Variants in LRRK1 observed in about 807,000 individuals in gnomAD.
LRRK1 encodes leucine rich repeat kinase 1.
LRRK1 carries 113 observed loss-of-function variants against 209.1 expected under a neutral mutation model. That is an observed-to-expected ratio of 0.54 (90% CI 0.46 to 0.63). The LOEUF (loss-of-function observed/expected upper bound fraction) is 0.63, where lower values mean the gene tolerates loss of function less well. LRRK1 is among the 30% of genes least tolerant of loss of function. The pLI is 0.00. For synonymous variants in LRRK1, 1,144 were observed against 1,099.7 expected (o/e 1.04, Z -0.80); for missense variants, 2,284 against 2,632.2 (o/e 0.87, Z 2.89).
At chr15:101,011,877 T>C in intron 9 of LRRK1, 131 bp from the exon 10 acceptor site, 1 of 688,920 alleles carries the variant, frequency 1.5e-6, no homozygotes, top group Non-Finnish European at 2.4e-6. Flanking sequence ...CCAGCAACAC[T>C]CAGTCATCTT....
At chr15:100,939,357 A>G (rs140711768) in intron 2 of LRRK1, among the ~76,000 whole-genome samples, 2 of 152,222 alleles carry the variant, frequency 1.3e-5, no homozygotes, top group Non-Finnish European at 2.9e-5. Flanking sequence ...TGGCAATTGC[A>G]TTTCTATGTG....
intron 2 of LRRK1, among the ~76,000 whole-genome samples, chr15:100,931,200 C>T (rs1289887438): frequency 1.3e-5 from 2 of 152,194 alleles, no homozygotes; most frequent in Non-Finnish European, 2.9e-5. Flanking sequence ...CTGTAAAGAA[C>T]TTTTGAGGAT....
chr15:100,924,761 G>A (rs2141591372), intron 2 of LRRK1, 32 bp downstream of exon 2: 1 of 1,539,662 alleles, frequency 6.5e-7, no homozygotes, highest in South Asian at 1.1e-5. Flanking sequence ...TGCCTGCCTG[G>A]GTGTGACCTG....
rs577881909 is a variant in LRRK1 at position 101,002,468 on chromosome 15, T to C, written c.763-6369T>C. On this transcript the variant is annotated intron_variant, in intron 6 of 33. Transcript: ENST00000388948. ...AGGGCTCATGCTTGAAAAACCAACA[T>C]GAACACATTCTCCACCTGTTTGTGA... Among the ~76,000 whole-genome samples, 7 of 152,344 alleles carry C rather than the reference T, an allele frequency of 4.6e-5. No individual in the cohort carries two copies. The South Asian group carries it at 1.5e-3, about 32-fold the overall frequency.
chr15:101,018,911 A>G (rs2033661296), intron 12 of LRRK1, among the ~76,000 whole-genome samples: 1 of 152,200 alleles, frequency 6.6e-6, no homozygotes, highest in Non-Finnish European at 1.5e-5. Flanking sequence ...GGAATTATCT[A>G]CAAAAGACAG....
chr15:100,940,392 A>G (rs1367821883), intron 2 of LRRK1, among the ~76,000 whole-genome samples: 1 of 152,166 alleles, frequency 6.6e-6, no homozygotes, highest in Non-Finnish European at 1.5e-5. Flanking sequence ...TGAAACTCTC[A>G]TTAGACACAT....
chr15:101,058,558 G>A (rs572298950), intron 29 of LRRK1, among the ~76,000 whole-genome samples: 7 of 137,964 alleles, frequency 5.1e-5, no homozygotes, highest in Non-Finnish European at 7.7e-5. Context: ...GAGGCCTGTC[G>A]GCCTGGTTAT....
chr15:101,065,816 C>G lies in LRRK1; in HGVS notation c.5379C>G (p.Asp1793Glu). Residue 1793 changes from aspartate to glutamate, a missense_variant, in exon 32 of 34, where the codon GAC becomes GAG. Physicochemically the swap from Asp to Glu is conservative, Grantham distance 45 (BLOSUM62 2). Around this residue, in one of 6 missense-constraint regions of LRRK1, gnomAD observed 643 missense variants for 695.9 expected, o/e 0.92. Transcript: ENST00000388948. Reference sequence around the variant, plus strand: ...ACATGTTTCCCGTGCGGCCCTTGGACACGGAACCCCCGGCAGCCAGCCACA... The same window carrying G: ...ACATGTTTCCCGTGCGGCCCTTGGAGACGGAACCCCCGGCAGCCAGCCACA... ...LRDMFPVRPL[D>E]TEPPAASHTA... 1 of 1,614,098 alleles carries G rather than the reference C, an allele frequency of 6.2e-7. No individual in the cohort carries two copies. Among genetic ancestry groups the G allele is most frequent in the Non-Finnish European group, 8.5e-7 (1 of 1,180,024 alleles).
intron 30 of LRRK1, among the ~76,000 whole-genome samples, chr15:101,061,616 C>A (rs1441922607): frequency 6.6e-6 from 1 of 152,172 alleles, no homozygotes; most frequent in East Asian, 1.9e-4. Flanking sequence ...TCACTCAGCT[C>A]TGAAGGCCTC....
intron 22 of LRRK1, 156 bp from the exon 23 acceptor site, chr15:101,049,488 C>T: frequency 2.6e-6 from 2 of 762,706 alleles, no homozygotes; most frequent in Non-Finnish European, 4.1e-6. Context: ...GGGCCACGCA[C>T]ACGTACATAC....
rs138973341 is a variant in LRRK1 at position 101,025,095 on chromosome 15, G to A, written c.2232+128G>A. On this transcript the variant is annotated intron_variant, in intron 16 of 33. Transcript: ENST00000388948. The stretch of plus-strand genomic sequence containing the variant: ...TGTTGCCACAGAGGGCCCCAGAACC[G>A]TGGTCCTGCTTGCTTTTCACAGTGA... 65 of 893,014 alleles carry A rather than the reference G, an allele frequency of 7.3e-5. 2 individuals carry two copies. The highest frequency in any genetic ancestry group is 6.9e-4 in the South Asian group (29 of 41,884). 55.3% of individuals were successfully genotyped at this position (893,014 alleles called of 1,614,324 possible). A position where few individuals can be genotyped will look rare whatever the true frequency, so the allele number is the denominator to read the frequency against.
intron 10 of LRRK1, among the ~76,000 whole-genome samples, chr15:101,013,642 C>CA (rs973764964): frequency 6.6e-6 from 1 of 152,100 alleles, no homozygotes; most frequent in African/African-American, 2.4e-5. Context: ...AAAAGAATAA[C>CA]AAAAAAAGAA....
chr15:100,939,526 G>GT (rs1300258111), intron 2 of LRRK1, among the ~76,000 whole-genome samples: 1 of 152,160 alleles, frequency 6.6e-6, no homozygotes, highest in African/African-American at 2.4e-5. Flanking sequence ...GATGTTTAGA[G>GT]TTTTTTAATG....
rs1374892846 is a variant in LRRK1 at position 101,077,584 on chromosome 15, C to A, written c.*8736C>A. 6.6e-6 allele frequency: 1 copy of A among 152,152 alleles called. No individual in the cohort carries two copies. The highest frequency in any genetic ancestry group is 2.4e-5 in the African/African-American group (1 of 41,426). The allele number at this position is 152,152 out of a possible 1,614,324, so 9.4% of individuals were successfully genotyped here. On this transcript the variant is annotated 3_prime_UTR_variant, in exon 34 of 34. Transcript: ENST00000388948. Reference sequence around the variant, plus strand: ...TTTTTCAATTCATACAAAACCGTATCCAGGTCATCACCAATAATTCTAAAT... The same window carrying A: ...TTTTTCAATTCATACAAAACCGTATACAGGTCATCACCAATAATTCTAAAT...
intron 12 of LRRK1, among the ~76,000 whole-genome samples, chr15:101,019,118 T>C (rs1377876217): frequency 6.6e-6 from 1 of 152,228 alleles, no homozygotes; most frequent in African/African-American, 2.4e-5. Context: ...CCCAGCTCAG[T>C]GCCCATCGTT....
intron 13 of LRRK1, 50 bp downstream of exon 13, chr15:101,021,232 C>T (rs754001593): frequency 1.1e-5 from 18 of 1,603,962 alleles, no homozygotes; most frequent in Non-Finnish European, 1.5e-5. Flanking sequence ...CCCAGAGAGG[C>T]AGAACGCCCA....
intron 20 of LRRK1, among the ~76,000 whole-genome samples, chr15:101,034,564 A>G (rs1367727628): frequency 6.6e-6 from 1 of 152,168 alleles, no homozygotes; most frequent in African/African-American, 2.4e-5. Context: ...AGTTGACTGT[A>G]AATATGTGGA....
At chr15:100,993,121 G>C (rs895162922) in intron 6 of LRRK1, among the ~76,000 whole-genome samples, 1 of 152,194 alleles carries the variant, frequency 6.6e-6, no homozygotes, top group African/African-American at 2.4e-5. Flanking sequence ...CTGTCTCAGA[G>C]GGATGCTTGA....
In LRRK1 at chr15:101,022,721, A is replaced by G. The variant is rs1209646356; in HGVS notation, c.2067+124A>G. ...GGTGTCCAAAGCTCAGGCCCTTTGC[A>G]GGAGCCACTGTGTACCATTCCATAC... is the stretch of plus-strand genomic sequence containing the variant. On this transcript the variant is annotated intron_variant, in intron 15 of 33. Transcript: ENST00000388948. The surrounding 1 kb of genome is among the most constrained non-coding windows in gnomAD (Gnocchi z 4.0). 7.6e-6 allele frequency: 5 copies of G among 660,020 alleles called. No individual in the cohort carries two copies. Among genetic ancestry groups the G allele is most frequent in the African/African-American group, 7.2e-5 (4 of 55,394 alleles). The allele number at this position is 660,020 out of a possible 1,614,324, so 40.9% of individuals were successfully genotyped here. A position where few individuals can be genotyped will look rare whatever the true frequency, so the allele number is the denominator to read the frequency against.
Sources: gnomAD v4.1 joint callset for allele counts (sites outside exome capture counted in the v4.1 genomes callset) on GRCh38, gnomAD v4.1.1 for gene constraint, gnomAD v4.1.1 regional missense constraint, Gnocchi (gnomAD v3.1) non-coding constraint, MANE v1.5 for transcripts, NCBI Gene and HGNC (gene_info 2026-07-23, HGNC 2026-07-21) for gene names.